KDM3A: variants seen among roughly 807,000 people sequenced by gnomAD.
KDM3A encodes lysine demethylase 3A, also known as lysine-specific demethylase 3A.
In KDM3A, 60 loss-of-function variants were observed where a neutral mutation model predicts 158.0. The ratio of observed to expected loss-of-function variants is 0.38; its 90% CI spans 0.31 to 0.47. The LOEUF (loss-of-function observed/expected upper bound fraction) is 0.47, where lower values mean the gene tolerates loss of function less well. KDM3A is among the 20% of genes least tolerant of loss of function. KDM3A has a pLI of 0.99. For missense variants in KDM3A, 1,319 were observed against 1,574.3 expected, an observed-to-expected ratio of 0.84 and a Z score of 2.74; for synonymous variants, 608 against 549.3, an observed-to-expected ratio of 1.11 and a Z score of -1.49.
In KDM3A at chr2:86,484,171, G is replaced by T. The variant is rs1246894551; in HGVS notation, c.3094+13G>T. 1 of 1,607,038 alleles carries T rather than the reference G, an allele frequency of 6.2e-7. No homozygotes were observed. The highest frequency in any genetic ancestry group is 1.1e-5 in the South Asian group (1 of 89,982). ...GAAGATGTTCCAAGTATGTATGAAA[G>T]ATCTTTTAAGGGGGTTGGGGATGTG... On this transcript the variant is annotated intron_variant, in intron 19 of 25. Coordinates refer to ENST00000312912, the MANE Select transcript of KDM3A (RefSeq NM_018433.6).
chr2:86,484,800 G>A, intron 19 of KDM3A, 142 bp from the exon 20 acceptor site: 1 of 554,054 alleles, frequency 1.8e-6, no homozygotes, highest in East Asian at 2.8e-5. Flanking sequence ...AGTAATATTT[G>A]TATACTAAAT....
In KDM3A at chr2:86,491,288, C is replaced by T. The variant is rs1674443505; in HGVS notation, c.3885+13C>T. On this transcript the variant is annotated intron_variant, in intron 25 of 25. Coordinates refer to ENST00000312912, the MANE Select transcript of KDM3A (RefSeq NM_018433.6). ...AGATAAATTACAGGTAAAAATAGCACCAATTCCTAGCATTCTTTGGCTATG... is the reference window on the plus strand; with the variant it reads ...AGATAAATTACAGGTAAAAATAGCATCAATTCCTAGCATTCTTTGGCTATG... 1 of 1,612,566 alleles carries T rather than the reference C, an allele frequency of 6.2e-7. No homozygotes were observed. Among genetic ancestry groups the T allele is most frequent in the East Asian group, 2.2e-5 (1 of 44,862 alleles).
At chr2:86,482,877 G>A (rs1485108418) in intron 18 of KDM3A, 183 bp downstream of exon 18, 2 of 610,222 alleles carry the variant, frequency 3.3e-6, no homozygotes, top group African/African-American at 1.9e-5. Flanking sequence ...AAAGCAGATG[G>A]TCCTAAGCTG....
At chr2:86,472,250 T>G (rs1296939223) in intron 11 of KDM3A, among the ~76,000 whole-genome samples, 2 of 152,202 alleles carry the variant, frequency 1.3e-5, no homozygotes, top group Admixed American at 1.3e-4. Flanking sequence ...TTGACTTCTT[T>G]AAAGGGGAAA....
chr2:86,491,413 C>A, intron 25 of KDM3A, 138 bp downstream of exon 25: 1 of 757,066 alleles, frequency 1.3e-6, no homozygotes, highest in Non-Finnish European at 2.2e-6. Flanking sequence ...TGCTTTATAT[C>A]TAGTACTACT....
At chr2:86,463,946 G>T (rs769123646) in intron 8 of KDM3A, 107 bp from the exon 9 acceptor site, 118 of 726,138 alleles carry the variant, frequency 1.6e-4, no homozygotes, top group Non-Finnish European at 2.3e-4. Flanking sequence ...TTTGGCAATG[G>T]TATTATGTTT....
At chr2:86,444,697 ATAAC>A (rs1319672989) in intron 2 of KDM3A, among the ~76,000 whole-genome samples, 1 of 152,172 alleles carries the variant, frequency 6.6e-6, no homozygotes, top group Non-Finnish European at 1.5e-5. Flanking sequence ...ATGTCAATAA[ATAAC>A]ATTCAAGTAA....
intron 2 of KDM3A, chr2:86,442,487 G>C: frequency 2.4e-6 from 1 of 409,614 alleles, no homozygotes; most frequent in Non-Finnish European, 4.4e-6. Context: ...TAATGCCGGT[G>C]CTGTGTCCCA....
At chr2:86,489,731 T>C in intron 23 of KDM3A, 72 bp downstream of exon 23, 1 of 1,498,918 alleles carries the variant, frequency 6.7e-7, no homozygotes, top group Middle Eastern at 1.8e-4. Flanking sequence ...TGTGGTGAAC[T>C]GACTGGCTTG....
chr2:86,437,328 G>A (rs907408079), upstream of KDM3A, among the ~76,000 whole-genome samples: 11 of 152,088 alleles, frequency 7.2e-5, no homozygotes, highest in Non-Finnish European at 1.0e-4. Context: ...TTACAGTAGC[G>A]ATGAGGTCTC....
At chr2:86,444,038 C>T (rs1198804130) in intron 2 of KDM3A, among the ~76,000 whole-genome samples, 2 of 152,146 alleles carry the variant, frequency 1.3e-5, no homozygotes, top group South Asian at 2.1e-4. Flanking sequence ...CGTTCCCTTC[C>T]CTTCTGTAGC....
upstream of KDM3A, chr2:86,441,085 A>G (rs938591430): frequency 3.9e-5 from 6 of 152,368 alleles, no homozygotes; most frequent in African/African-American, 1.4e-4. Context: ...CTGTGAGGCA[A>G]CAAATGGAAA....
chr2:86,465,542 G>C (rs1673100379), intron 9 of KDM3A, among the ~76,000 whole-genome samples: 1 of 151,972 alleles, frequency 6.6e-6, no homozygotes, highest in African/African-American at 2.4e-5. Context: ...CAAGTAGCTG[G>C]GACTACAGGC....
chr2:86,456,461 T>C lies in KDM3A; in HGVS notation c.576T>C (p.Gly192=), dbSNP rs766017162. Residue 192 remains glycine, a synonymous_variant, in exon 6 of 26, where the codon GGT becomes GGC. Coordinates refer to ENST00000312912, the MANE Select transcript of KDM3A (RefSeq NM_018433.6). Reference sequence around the variant, plus strand: ...TTTAAGGTGACAAAAACTTAGTTGGTTCAGAAGTAAAAATTTATAGCTTGG... The same window carrying C: ...TTTAAGGTGACAAAAACTTAGTTGGCTCAGAAGTAAAAATTTATAGCTTGG... The part of the protein sequence containing the change: ...HLLKGDKNLV[G]SEVKIYSLDP... The C allele has an allele frequency of 1.3e-6, 2 of 1,546,530 alleles. No individual in the cohort carries two copies. Among genetic ancestry groups the C allele is most frequent in the South Asian group, 2.5e-5 (2 of 81,218 alleles).
intron 21 of KDM3A, chr2:86,487,575 A>G (rs1674241188): frequency 6.6e-6 from 1 of 152,186 alleles, no homozygotes; most frequent in East Asian, 1.9e-4. Context: ...AGGGGCAGCT[A>G]GTGGCAGGTC....
rs1674421549 is a variant in KDM3A, at chr2:86,490,875, T to C, written c.3574-6T>C. Reference sequence around the variant, plus strand: ...TGAGTTGCATAATATTTTGAATGTATTCTAGGTATCAGAAGAGCAAGGTCA... The same window carrying C: ...TGAGTTGCATAATATTTTGAATGTACTCTAGGTATCAGAAGAGCAAGGTCA... On this transcript the variant is annotated splice_polypyrimidine_tract_variant and splice_region_variant and intron_variant, in intron 23 of 25. Coordinates refer to ENST00000312912, the MANE Select transcript of KDM3A (RefSeq NM_018433.6). 1 of 1,606,424 alleles carries C rather than the reference T, an allele frequency of 6.2e-7. No individual in the cohort carries two copies.
At chr2:86,454,980 C>G in intron 4 of KDM3A, 105 bp from the exon 5 acceptor site, 2 of 622,032 alleles carry the variant, frequency 3.2e-6, no homozygotes, top group South Asian at 4.8e-5. Context: ...TTTGTTGACA[C>G]TACTTTAACC....
chr2:86,473,135 T>G (rs1407155047), intron 11 of KDM3A, among the ~76,000 whole-genome samples: 1 of 152,190 alleles, frequency 6.6e-6, no homozygotes, highest in East Asian at 1.9e-4. Flanking sequence ...AATATTTGTT[T>G]GTATGTATGT....
Position 86,442,019 on chromosome 2 carries a change from G to A in KDM3A, c.-29G>A, listed in dbSNP as rs1350865292. On this transcript the variant is annotated splice_region_variant and 5_prime_UTR_variant, in exon 2 of 26. Coordinates refer to ENST00000312912, the MANE Select transcript of KDM3A (RefSeq NM_018433.6). ...CATTTTGTTTTTGTGTTTTTGCAGG[G>A]AGGAGCTCTTCCTGCAGGCGTGGAA... The A allele has an allele frequency of 2.5e-6, 4 of 1,612,390 alleles. No individual in the cohort carries two copies. The highest frequency in any genetic ancestry group is 1.7e-4 in the Middle Eastern group (1 of 5,800).
Sources: allele counts gnomAD v4.1 joint callset (sites outside exome capture counted in the v4.1 genomes callset), GRCh38; gene constraint gnomAD v4.1.1; transcripts MANE v1.5; gene names NCBI Gene and HGNC (gene_info 2026-07-23, HGNC 2026-07-21).